IGSF10: variants seen among roughly 807,000 people sequenced by gnomAD.
IGSF10 encodes immunoglobulin superfamily member 10, also known as calvaria mechanical force protein 608.
IGSF10 carries 126 observed loss-of-function variants against 128.2 expected under a neutral mutation model. The ratio of observed to expected loss-of-function variants is 0.98; its 90% confidence interval spans 0.85 to 1.14. The LOEUF is 1.14. Ranked by LOEUF, IGSF10 falls within the 50% of genes most tolerant of loss-of-function variation. The probability of loss-of-function intolerance (pLI) is 0.00; values close to 1 mark genes in which losing one functional copy is unlikely to be tolerated. For missense variants in IGSF10, 3,295 were observed against 3,149.8 expected (o/e 1.05, Z -1.10); for synonymous variants, 1,185 against 1,146.2 (o/e 1.03, Z -0.68).
rs1044734106 is a variant in IGSF10, at chr3:151,447,378, G to C, written c.2603C>G (p.Thr868Arg). The C allele has an allele frequency of 1.9e-6, 3 of 1,614,042 alleles. No individual in the cohort carries two copies. In the African/African-American group the frequency reaches 4.0e-5, roughly 22 times the overall value. Reference sequence around the variant, plus strand: ...TGGGTTTATATTCTTTGACATGGCTGTAGTTTTAATAGCAGTAGACAGTTT... The same window carrying C: ...TGGGTTTATATTCTTTGACATGGCTCTAGTTTTAATAGCAGTAGACAGTTT... ...DFKLSTAIKTTAMSKNINPTM... is the reference protein window; with the variant it reads ...DFKLSTAIKTRAMSKNINPTM... The change falls in exon 6 of 8, where the codon ACA (threonine) becomes AGA (arginine). Residue 868 changes from threonine (T) to arginine (R), a missense_variant. Transcript: ENST00000282466.
the IGSF10 span, among the ~76,000 whole-genome samples, chr3:151,534,796 AGTGTATGT>A: frequency 3.1e-5 from 4 of 129,350 alleles, no homozygotes; most frequent in East Asian, 2.6e-4. Flanking sequence ...CAGAATTTAA[AGTGTATGT>A]GTGTGTGTGT....
chr3:151,601,734 C>T, the IGSF10 span, among the ~76,000 whole-genome samples: 1 of 152,218 alleles, frequency 6.6e-6, no homozygotes, highest in African/African-American at 2.4e-5. Context: ...AAGATCTACA[C>T]ATGCACTTTG....
the IGSF10 span, among the ~76,000 whole-genome samples, chr3:151,509,595 G>A: frequency 5.8e-4 from 89 of 152,336 alleles, no homozygotes; most frequent in African/African-American, 2.0e-3. Flanking sequence ...TGAGGTACCG[G>A]GTTCATCTCA....
downstream of IGSF10, chr3:151,434,856 T>G (rs1198946330): frequency 6.6e-6 from 1 of 152,232 alleles, no homozygotes; most frequent in African/African-American, 2.4e-5. Context: ...GTGAGTTAAA[T>G]TATTAATCAT....
the IGSF10 span, among the ~76,000 whole-genome samples, chr3:151,498,993 T>G: frequency 6.6e-6 from 1 of 152,130 alleles, no homozygotes; most frequent in African/African-American, 2.4e-5. Flanking sequence ...ATGTTTACCT[T>G]TAAAATTCTT....
the IGSF10 span, among the ~76,000 whole-genome samples, chr3:151,477,375 T>A: frequency 2.4e-4 from 37 of 152,224 alleles, no homozygotes; most frequent in African/African-American, 8.9e-4. Flanking sequence ...AGGTACTGTT[T>A]TCCAGTATGT....
At chr3:151,533,983 A>T in the IGSF10 span, among the ~76,000 whole-genome samples, 1 of 152,240 alleles carries the variant, frequency 6.6e-6, no homozygotes, top group African/African-American at 2.4e-5. Context: ...AACTCTTTCA[A>T]AAAGTGAGTA....
Position 151,447,964 on chromosome 3 carries a change from C to A in IGSF10, c.2017G>T (p.Asp673Tyr), listed in dbSNP as rs1377259361. The A allele has an allele frequency of 1.2e-6, 2 of 1,613,988 alleles. No individual in the cohort carries two copies. The highest frequency in any genetic ancestry group is 1.7e-6 in the Non-Finnish European group (2 of 1,180,024). The change falls in exon 6 of 8, where the codon GAT (aspartate) becomes TAT (tyrosine). Residue 673 changes from aspartate to tyrosine, a missense_variant. By Grantham distance (160) the Asp-to-Tyr change is radical. Transcript: ENST00000282466. The stretch of plus-strand genomic sequence containing the variant: ...AGTCCAGATCCCTCTGTTTCTCCAT[C>A]ATGCTCCAAGGGCCTTTGTCCTTTC... ...KMKGQRPLEH[D>Y]GETEGSGLDE...
At chr3:151,541,303 G>A in the IGSF10 span, among the ~76,000 whole-genome samples, 15 of 152,134 alleles carry the variant, frequency 9.9e-5, no homozygotes, top group African/African-American at 3.6e-4. Context: ...CTTCAAGACA[G>A]TATATCTTTA....
rs757162330 is a variant in IGSF10 at position 151,445,130 on chromosome 3, CTTT to C, written c.4848_4850del (p.Lys1618del). 1 of 1,614,124 alleles carries C rather than the reference CTTT, an allele frequency of 6.2e-7. No homozygotes were observed. The highest frequency in any genetic ancestry group is 2.2e-5 in the East Asian group (1 of 44,890). ...CTGGTTTCTTATCAAAGTCACTCTT[CTTT>C]GTGTTCTTCTGTCCATCCCAATCTG... On this transcript the variant is annotated inframe_deletion, in exon 6 of 8. Transcript: ENST00000282466.
chr3:151,585,260 T>A, the IGSF10 span, among the ~76,000 whole-genome samples: 1 of 152,224 alleles, frequency 6.6e-6, no homozygotes, highest in Non-Finnish European at 1.5e-5. Context: ...TTGGGTTAAA[T>A]AATATATATC....
At chr3:151,531,317 C>T in the IGSF10 span, among the ~76,000 whole-genome samples, 1 of 152,086 alleles carries the variant, frequency 6.6e-6, no homozygotes, top group Admixed American at 6.6e-5. Context: ...CTTGAACTCA[C>T]CTCTGGACCA....
the IGSF10 span, among the ~76,000 whole-genome samples, chr3:151,482,350 C>T: frequency 3.3e-5 from 5 of 151,964 alleles, no homozygotes; most frequent in South Asian, 2.1e-4. Flanking sequence ...ATAAAGAGAC[C>T]GGTATCATTA....
the IGSF10 span, among the ~76,000 whole-genome samples, chr3:151,551,662 T>TACACACAC: frequency 4.5e-4 from 65 of 145,490 alleles, no homozygotes; most frequent in African/African-American, 1.4e-3. Context: ...ACATGGGCAT[T>TACACACAC]ACACACACAC....
chr3:151,489,595 G>C, the IGSF10 span, among the ~76,000 whole-genome samples: 2 of 152,206 alleles, frequency 1.3e-5, no homozygotes, highest in Admixed American at 6.5e-5. Flanking sequence ...TGATAGACTA[G>C]ATAAAGAAAA....
chr3:151,552,542 G>A, the IGSF10 span, among the ~76,000 whole-genome samples: 3 of 152,204 alleles, frequency 2.0e-5, no homozygotes, highest in South Asian at 2.1e-4. Context: ...CTATGACCAC[G>A]GACATCTGGG....
the IGSF10 span, among the ~76,000 whole-genome samples, chr3:151,586,882 A>G: frequency 3.3e-3 from 497 of 152,308 alleles, no homozygotes; most frequent in African/African-American, 0.012. Context: ...GGGAAAACAC[A>G]AAAAAAGAAA....
the IGSF10 span, among the ~76,000 whole-genome samples, chr3:151,590,523 A>G: frequency 6.6e-6 from 1 of 152,184 alleles, no homozygotes; most frequent in African/African-American, 2.4e-5. Flanking sequence ...GTGGAGTGCA[A>G]ACATTTTGAT....
At chr3:151,434,562 A>T (rs527457871), downstream of IGSF10, 1 of 152,364 alleles carries the variant, frequency 6.6e-6, no homozygotes, top group Admixed American at 6.5e-5. Context: ...CTGGTTTTGT[A>T]TATCAGATTT....
Sources: gnomAD v4.1 joint callset for allele counts (sites outside exome capture counted in the v4.1 genomes callset) on GRCh38, gnomAD v4.1.1 for gene constraint, MANE v1.5 for transcripts, NCBI Gene and HGNC (gene_info 2026-07-23, HGNC 2026-07-21) for gene names.